TECPR2: variants seen among roughly 807,000 people sequenced by gnomAD.
The protein encoded by TECPR2 is tectonin beta-propeller repeat-containing protein 2.
In TECPR2, 65 loss-of-function variants were observed where a neutral mutation model predicts 138.1. The observed-to-expected ratio is 0.47, with a 90% CI of 0.39 to 0.58. The LOEUF (loss-of-function observed/expected upper bound fraction) is 0.58, where lower values mean the gene tolerates loss of function less well. TECPR2 is among the 20% of genes least tolerant of loss of function. The pLI, the probability that TECPR2 is intolerant of heterozygous loss-of-function variation, is 0.00. For missense variants in TECPR2, 1,553 were observed against 1,824.5 expected, an observed-to-expected ratio of 0.85 and a Z score of 2.71; for synonymous variants, 746 against 749.8, an observed-to-expected ratio of 0.99 and a Z score of 0.08.
At chr14:102,432,510 T>A (rs1385712648) in intron 8 of TECPR2, among the ~76,000 whole-genome samples, 1 of 151,986 alleles carries the variant, frequency 6.6e-6, no homozygotes, top group African/African-American at 2.4e-5. Flanking sequence ...CCTCACCTCC[T>A]GAGTTCAAGC....
At chr14:102,435,311 A>T (rs1479354117) in intron 9 of TECPR2, 100 bp downstream of exon 9, 2 of 1,469,432 alleles carry the variant, frequency 1.4e-6, no homozygotes, top group Admixed American at 4.7e-5. Flanking sequence ...AAGAAATTCT[A>T]TTCCTACTGC....
intron 1 of TECPR2, among the ~76,000 whole-genome samples, chr14:102,369,247 TGCA>T (rs1887427081): frequency 1.3e-5 from 2 of 152,210 alleles, no homozygotes; most frequent in Admixed American, 1.3e-4. Context: ...CTAGCTAGAC[TGCA>T]GTCTCAAAGC....
chr14:102,497,534 TG>T (rs1464938119), intron 18 of TECPR2, 35 bp from the exon 19 acceptor site: 5 of 1,499,248 alleles, frequency 3.3e-6, no homozygotes, highest in Non-Finnish European at 4.5e-6. Context: ...ATCCCGTCCA[TG>T]GCAGGGGCTC....
At chr14:102,387,673 C>T (rs958818321) in intron 2 of TECPR2, among the ~76,000 whole-genome samples, 1 of 152,058 alleles carries the variant, frequency 6.6e-6, no homozygotes, top group African/African-American at 2.4e-5. Context: ...ACCACAGGTG[C>T]CTGCCACCAC....
At chr14:102,437,999 C>T in intron 9 of TECPR2, 23 bp from the exon 10 acceptor site, 2 of 1,609,608 alleles carry the variant, frequency 1.2e-6, no homozygotes, top group South Asian at 1.1e-5. Flanking sequence ...TGCCACAGAA[C>T]TCACTGGCTC....
At chr14:102,402,905 C>T (rs1254471856) in intron 2 of TECPR2, among the ~76,000 whole-genome samples, 1 of 152,096 alleles carries the variant, frequency 6.6e-6, no homozygotes, top group Non-Finnish European at 1.5e-5. Flanking sequence ...TCAAATATCT[C>T]CTTGTAAAGA....
intron 5 of TECPR2, among the ~76,000 whole-genome samples, chr14:102,418,611 C>T (rs1425025939): frequency 6.6e-6 from 1 of 152,208 alleles, no homozygotes; most frequent in East Asian, 1.9e-4. Context: ...CTTTGTGGGC[C>T]CTGCCCATGG....
chr14:102,499,575 A>T lies in TECPR2; in HGVS notation c.*1318A>T. 3.2e-6 allele frequency: 1 copy of T among 311,964 alleles called. No homozygotes were observed. Among genetic ancestry groups the T allele is most frequent in the Non-Finnish European group, 6.1e-6 (1 of 163,894 alleles). 19.3% of individuals were successfully genotyped at this position (311,964 alleles called of 1,614,324 possible). On this transcript the variant is annotated 3_prime_UTR_variant, in exon 20 of 20. Transcript: ENST00000359520. ...TGCCTTCTGCGGGGTATGGGTTGAC[A>T]CTTGACAGGTTGAAACCAGTGCCTC...
At chr14:102,479,704 G>A (rs1890843979) in intron 17 of TECPR2, among the ~76,000 whole-genome samples, 1 of 152,194 alleles carries the variant, frequency 6.6e-6, no homozygotes, top group Non-Finnish European at 1.5e-5. Context: ...CCCAGCCTGG[G>A]TCTGTAATCT....
chr14:102,493,198 G>A (rs573916517), intron 17 of TECPR2, among the ~76,000 whole-genome samples: 6 of 152,324 alleles, frequency 3.9e-5, no homozygotes, highest in South Asian at 2.1e-4. Context: ...AAACCACAGC[G>A]CGTCTCAGCT....
Position 102,465,287 on chromosome 14 carries a change from C to A in TECPR2, c.3787C>A (p.Gln1263Lys), listed in dbSNP as rs760420826. The A allele has an allele frequency of 5.6e-6, 9 of 1,613,172 alleles. No individual in the cohort carries two copies. The East Asian group carries it at 2.0e-4, about 36-fold the overall frequency. ...PAWIMIEPPV[Q>K]PAGVSLVSVH... Reference sequence around the variant, plus strand: ...CTGGATAATGATTGAGCCACCTGTCCAGGTAAGCAGAAGTTAGCTGGTGGA... The same window carrying A: ...CTGGATAATGATTGAGCCACCTGTCAAGGTAAGCAGAAGTTAGCTGGTGGA... Residue 1263 changes from glutamine (Q) to lysine (K), a missense_variant and splice_region_variant, in exon 17 of 20, where the codon CAG becomes AAG. Coordinates refer to ENST00000359520, the MANE Select transcript of TECPR2 (RefSeq NM_014844.5).
intron 2 of TECPR2, among the ~76,000 whole-genome samples, chr14:102,381,045 C>T (rs1270246875): frequency 1.3e-5 from 2 of 151,050 alleles, no homozygotes; most frequent in Non-Finnish European, 2.9e-5. Context: ...ACTGCAACCT[C>T]CACCTCCTGG....
intron 1 of TECPR2, 26 bp downstream of exon 1, chr14:102,363,142 C>CCCCGACGCG (rs1371399102): frequency 3.0e-6 from 1 of 337,206 alleles, no homozygotes. Context: ...CCGCAAGCGG[C>CCCCGACGCG]CCCGACGCCC....
At chr14:102,462,111 A>C (rs982428334) in intron 16 of TECPR2, among the ~76,000 whole-genome samples, 2 of 152,182 alleles carry the variant, frequency 1.3e-5, no homozygotes, top group African/African-American at 4.8e-5. Flanking sequence ...GTGTTCTGTG[A>C]GCAGTGTTGT....
intron 1 of TECPR2, among the ~76,000 whole-genome samples, chr14:102,371,363 C>T (rs1887504596): frequency 6.6e-6 from 1 of 152,208 alleles, no homozygotes; most frequent in Non-Finnish European, 1.5e-5. Context: ...TTCCTCAGCC[C>T]GTCCTAGACA....
intron 1 of TECPR2, among the ~76,000 whole-genome samples, chr14:102,370,454 G>C (rs902116293): frequency 6.6e-6 from 1 of 152,208 alleles, no homozygotes; most frequent in Non-Finnish European, 1.5e-5. Flanking sequence ...CTTGCTAGGA[G>C]ATCTCATGAG....
At chr14:102,466,361 G>C (rs919100550) in intron 17 of TECPR2, among the ~76,000 whole-genome samples, 1 of 152,066 alleles carries the variant, frequency 6.6e-6, no homozygotes, top group Admixed American at 6.6e-5. Context: ...TGAATGATAC[G>C]GCACTGTCAA....
chr14:102,386,449 G>A (rs1300583485), intron 2 of TECPR2, among the ~76,000 whole-genome samples: 1 of 152,096 alleles, frequency 6.6e-6, no homozygotes, highest in African/African-American at 2.4e-5. Flanking sequence ...CAGCCTGGGC[G>A]ACAGAGCAAG....
At chr14:102,401,036 A>G (rs1308182018) in intron 2 of TECPR2, among the ~76,000 whole-genome samples, 2 of 151,908 alleles carry the variant, frequency 1.3e-5, no homozygotes, top group Non-Finnish European at 2.9e-5. Flanking sequence ...CGTCGCAAAA[A>G]AAAAGGAACA....
Sources: allele counts gnomAD v4.1 joint callset (sites outside exome capture counted in the v4.1 genomes callset), GRCh38; gene constraint gnomAD v4.1.1; transcripts MANE v1.5; gene names NCBI Gene and HGNC (gene_info 2026-07-23, HGNC 2026-07-21).